NECTIN3: variants seen among roughly 807,000 people sequenced by gnomAD.
NECTIN3 encodes the protein nectin-3.
A neutral mutation model predicts 49.4 loss-of-function variants in NECTIN3; 8 were observed. The observed-to-expected ratio is 0.16, with a 90% CI of 0.10 to 0.29. NECTIN3 has a LOEUF of 0.29. Among genes scored for constraint, NECTIN3 ranks in the 10% least tolerant of loss-of-function variants. NECTIN3 has a pLI of 1.00. For synonymous variants in NECTIN3, 277 were observed against 241.1 expected (o/e 1.15, Z -1.38); for missense variants, 581 against 654.6 (o/e 0.89, Z 1.23).
chr3:111,085,976 T>C (rs910659535), intron 1 of NECTIN3, among the ~76,000 whole-genome samples: 6 of 152,222 alleles, frequency 3.9e-5, no homozygotes, highest in Non-Finnish European at 8.8e-5. Flanking sequence ...ACTAGTCCTT[T>C]GTAATATCAG....
chr3:111,121,001 C>CTTTTT (rs397954033), intron 3 of NECTIN3, among the ~76,000 whole-genome samples: 33 of 129,520 alleles, frequency 2.5e-4, no homozygotes, highest in East Asian at 7.0e-4. Context: ...TTATTTCTTT[C>CTTTTT]TTTTTTTTTT....
At chr3:111,184,989 TA>T (rs1339283507) in intron 7 of NECTIN3, among the ~76,000 whole-genome samples, 1 of 152,250 alleles carries the variant, frequency 6.6e-6, no homozygotes, top group Non-Finnish European at 1.5e-5. Context: ...GTTGGATCAA[TA>T]AGTATCACTC....
In NECTIN3 at chr3:111,072,077, C is replaced by T. The variant is rs1398298603; in HGVS notation, c.60C>T (p.Ser20=). The T allele has an allele frequency of 1.3e-5, 20 of 1,549,232 alleles. No homozygotes were observed. The highest frequency in any genetic ancestry group is 1.7e-5 in the Non-Finnish European group (19 of 1,146,110). ...LCPGGGKAQL[S]SASLLGAGLL... is the part of the protein sequence containing the mutation. ...CTGGAGGCGGCAAAGCACAACTTTCCTCCGCTTCTCTCCTCGGAGCCGGGC... is the reference window on the plus strand; with the variant it reads ...CTGGAGGCGGCAAAGCACAACTTTCTTCCGCTTCTCTCCTCGGAGCCGGGC... Residue 20 remains serine, a synonymous_variant, in exon 1 of 6, where the codon TCC becomes TCT. Transcript: ENST00000485303.
chr3:111,130,540 T>C (rs1002023063), intron 5 of NECTIN3, among the ~76,000 whole-genome samples: 1 of 152,236 alleles, frequency 6.6e-6, no homozygotes, highest in Middle Eastern at 3.4e-3. Context: ...TACCTCAGTA[T>C]TAAAATAGAT....
chr3:111,127,860 G>A (rs1233922317), intron 5 of NECTIN3, among the ~76,000 whole-genome samples: 2 of 152,104 alleles, frequency 1.3e-5, no homozygotes, highest in Non-Finnish European at 2.9e-5. Context: ...GAGCTACTGT[G>A]CCTGGCTGGA....
At chr3:111,147,476 C>T in exon 7 of NECTIN3, 1 of 1,518,574 alleles carries the variant, frequency 6.6e-7, no homozygotes, top group Non-Finnish European at 8.8e-7. Context: ...TCAGAAAGAC[C>T]TATTTCAGGT....
intron 7 of NECTIN3, among the ~76,000 whole-genome samples, chr3:111,149,477 G>GTGTA (rs2034953724): frequency 6.7e-6 from 1 of 149,188 alleles, no homozygotes; most frequent in African/African-American, 2.5e-5. Flanking sequence ...GTGTGTGTGT[G>GTGTA]TGTGTGTGTG....
chr3:111,146,161 G>A (rs1249737937), intron 6 of NECTIN3, among the ~76,000 whole-genome samples: 2 of 152,154 alleles, frequency 1.3e-5, no homozygotes, highest in African/African-American at 2.4e-5. Context: ...GCGGCCGAGC[G>A]CGGTGGCTCA....
intron 4 of NECTIN3, among the ~76,000 whole-genome samples, chr3:111,125,039 T>C (rs2034107205): frequency 7.0e-6 from 1 of 142,000 alleles, no homozygotes; most frequent in Admixed American, 7.0e-5. Flanking sequence ...TTTTTTTTTT[T>C]TTTTTTTGAG....
chr3:111,181,266 T>C (rs1202149574), intron 7 of NECTIN3, among the ~76,000 whole-genome samples: 1 of 152,196 alleles, frequency 6.6e-6, no homozygotes, highest in Non-Finnish European at 1.5e-5. Flanking sequence ...TATAATGTTT[T>C]TAAGATTCAC....
intron 4 of NECTIN3, 83 bp from the exon 5 acceptor site, chr3:111,126,101 A>G: frequency 1.0e-6 from 1 of 965,530 alleles, no homozygotes; most frequent in Non-Finnish European, 1.4e-6. Context: ...AACATCTCAA[A>G]CATATAATGC....
At chr3:111,116,676 A>G (rs1376207563) in intron 2 of NECTIN3, among the ~76,000 whole-genome samples, 1 of 152,140 alleles carries the variant, frequency 6.6e-6, no homozygotes, top group Non-Finnish European at 1.5e-5. Context: ...TAAGAAAAAA[A>G]TAGACACCTG....
At chr3:111,107,697 G>A (rs1371156239) in intron 1 of NECTIN3, among the ~76,000 whole-genome samples, 1 of 152,174 alleles carries the variant, frequency 6.6e-6, no homozygotes, top group African/African-American at 2.4e-5. Context: ...GGAAAGTAGA[G>A]GGAGGAAGTA....
intron 7 of NECTIN3, among the ~76,000 whole-genome samples, chr3:111,167,690 T>C (rs1398025113): frequency 6.6e-6 from 1 of 152,118 alleles, no homozygotes; most frequent in Non-Finnish European, 1.5e-5. Flanking sequence ...TTAGAACCTT[T>C]GGAGGTGAGT....
At chr3:111,078,072 T>C (rs945690422) in intron 1 of NECTIN3, among the ~76,000 whole-genome samples, 2 of 151,660 alleles carry the variant, frequency 1.3e-5, no homozygotes, top group African/African-American at 2.4e-5. Flanking sequence ...CCAGTAGATA[T>C]ATTATACTTA....
intron 7 of NECTIN3, among the ~76,000 whole-genome samples, chr3:111,178,115 C>G (rs2035563953): frequency 6.6e-6 from 1 of 152,126 alleles, no homozygotes; most frequent in African/African-American, 2.4e-5. Flanking sequence ...ATTTATTTAC[C>G]AGTGATAACA....
intron 7 of NECTIN3, among the ~76,000 whole-genome samples, chr3:111,184,403 G>T (rs992033762): frequency 1.3e-5 from 2 of 152,106 alleles, no homozygotes; most frequent in African/African-American, 4.8e-5. Context: ...CATTATCTTT[G>T]GAGTGGGTTA....
At chr3:111,159,373 G>T (rs1454940305) in intron 7 of NECTIN3, among the ~76,000 whole-genome samples, 1 of 152,086 alleles carries the variant, frequency 6.6e-6, no homozygotes, top group Non-Finnish European at 1.5e-5. Flanking sequence ...ACTCAAGTTT[G>T]TAGTTTTATT....
chr3:111,163,893 A>G lies in NECTIN3; in HGVS notation c.1221+16409A>G, dbSNP rs187958654. ...TATGGATAGATCAGATCTATAAAGT[A>G]AATGCAGAATTCAGAATCAAGAAAA... is the stretch of plus-strand genomic sequence containing the variant. On this transcript the variant is annotated intron_variant, in intron 7 of 8. Transcript: ENST00000493615. 1.4e-3 allele frequency among the ~76,000 whole-genome samples: 216 copies of G among 152,230 alleles called. 2 individuals are homozygous for G. Among genetic ancestry groups the G allele is most frequent in the Non-Finnish European group, 2.4e-3 (165 of 67,986 alleles).
Sources: gnomAD v4.1 joint callset for allele counts (sites outside exome capture counted in the v4.1 genomes callset) on GRCh38, gnomAD v4.1.1 for gene constraint, MANE v1.5 for transcripts, NCBI Gene and HGNC (gene_info 2026-07-23, HGNC 2026-07-21) for gene names.